The following AGBL4 variants were observed in gnomAD, a reference collection of about 807,000 sequenced individuals.
AGBL4 encodes the protein AGBL carboxypeptidase 4.
AGBL4 carries 58 observed loss-of-function variants against 66.4 expected under a neutral mutation model. The ratio of observed to expected loss-of-function variants is 0.87; its 90% CI spans 0.71 to 1.09. The LOEUF (loss-of-function observed/expected upper bound fraction) is 1.09. Among genes scored for constraint, AGBL4 ranks in the 50% least tolerant of loss-of-function variants. The pLI is 0.00. For synonymous variants in AGBL4, 234 were observed against 222.9 expected, an observed-to-expected ratio of 1.05 and a Z score of -0.44; for missense variants, 579 against 631.0, an observed-to-expected ratio of 0.92 and a Z score of 0.88.
intron 5 of AGBL4, among the ~76,000 whole-genome samples, chr1:49,017,159 T>A (rs114192059): frequency 0.011 from 1,742 of 152,278 alleles, 30 homozygotes; most frequent in African/African-American, 0.04. Context: ...ACAGATCCTC[T>A]CCCAGAAAAA....
chr1:49,236,800 A>G (rs1650785685), intron 4 of AGBL4, among the ~76,000 whole-genome samples: 3 of 152,058 alleles, frequency 2.0e-5, no homozygotes, highest in Admixed American at 6.6e-5. Context: ...CTACCCCTTT[A>G]TAGTCAGTGA....
chr1:48,747,686 C>T (rs925041933), intron 6 of AGBL4, among the ~76,000 whole-genome samples: 3 of 152,308 alleles, frequency 2.0e-5, no homozygotes, highest in African/African-American at 4.8e-5. Flanking sequence ...CACACAGTTA[C>T]GGTCTTTGTA....
rs1491300456 is a variant in AGBL4, at chr1:49,714,593, T to TATATATATATAC, written c.158-17157_158-17156insGTATATATATAT. Among the ~76,000 whole-genome samples the TATATATATATAC allele has an allele frequency of 1.1e-3, 121 of 113,978 alleles. 1 individual carries two copies. The highest frequency in any genetic ancestry group is 3.7e-3 in the African/African-American group (118 of 31,694). The allele number at this position is 113,978 out of a possible 152,430, so 74.8% of individuals were successfully genotyped here. ...ACATATATATATATATATATATATA[T>TATATATATATAC]ACACACACACACATATATATATATC... On this transcript the variant is annotated intron_variant, in intron 2 of 13. Transcript: ENST00000371839.
chr1:49,112,450 A>G (rs1438353565), intron 4 of AGBL4, among the ~76,000 whole-genome samples: 2 of 152,134 alleles, frequency 1.3e-5, no homozygotes, highest in African/African-American at 2.4e-5. Context: ...GCAATTCTTA[A>G]AATAAAACAA....
At chr1:49,300,289 A>G (rs1644721301) in intron 3 of AGBL4, among the ~76,000 whole-genome samples, 1 of 152,168 alleles carries the variant, frequency 6.6e-6, no homozygotes, top group African/African-American at 2.4e-5. Context: ...CAGTTCTGTC[A>G]TTACTCTGTG....
intron 4 of AGBL4, among the ~76,000 whole-genome samples, chr1:49,090,161 C>A (rs947372844): frequency 1.3e-5 from 2 of 152,128 alleles, no homozygotes; most frequent in Admixed American, 6.5e-5. Context: ...GAAGCATTCT[C>A]TTTGAGAACT....
chr1:48,742,798 C>T, intron 6 of AGBL4: 1 of 1,506,134 alleles, frequency 6.6e-7, no homozygotes, highest in Non-Finnish European at 8.9e-7. Context: ...AGAAATCTGT[C>T]TAGAACTCCA....
chr1:49,707,660 C>T (rs1647315160), intron 2 of AGBL4, among the ~76,000 whole-genome samples: 2 of 152,018 alleles, frequency 1.3e-5, no homozygotes, highest in Non-Finnish European at 2.9e-5. Flanking sequence ...ATGGTCTCTA[C>T]ATTTTGGTAT....
intron 5 of AGBL4, among the ~76,000 whole-genome samples, chr1:48,947,644 T>C (rs1436048735): frequency 6.6e-6 from 1 of 152,126 alleles, no homozygotes; most frequent in Non-Finnish European, 1.5e-5. Context: ...CAACCTAAAT[T>C]TCTCACTGCA....
At chr1:48,589,844 C>T (rs1406243718) in intron 10 of AGBL4, among the ~76,000 whole-genome samples, 11 of 152,216 alleles carry the variant, frequency 7.2e-5, no homozygotes, top group Non-Finnish European at 1.6e-4. Flanking sequence ...TAGCAGATGT[C>T]TTGTGCTCAT....
chr1:48,569,529 T>A (rs1048255303), intron 11 of AGBL4, among the ~76,000 whole-genome samples: 1 of 152,200 alleles, frequency 6.6e-6, no homozygotes, highest in African/African-American at 2.4e-5. Flanking sequence ...TAAGGCCTTA[T>A]TTCTTGACAC....
intron 11 of AGBL4, among the ~76,000 whole-genome samples, chr1:48,554,085 C>T (rs530410685): frequency 5.8e-4 from 88 of 152,236 alleles, no homozygotes; most frequent in Middle Eastern, 3.4e-3. Flanking sequence ...AATTGGGGTT[C>T]GGTCTTTTCC....
intron 3 of AGBL4, among the ~76,000 whole-genome samples, chr1:49,521,229 CA>C (rs528835215): frequency 6.6e-6 from 1 of 151,968 alleles, no homozygotes; most frequent in Non-Finnish European, 1.5e-5. Flanking sequence ...ATGAAACAAC[CA>C]ATGTTATTTT....
At chr1:49,982,636 G>C (rs774686219) in intron 1 of AGBL4, among the ~76,000 whole-genome samples, 9 of 152,178 alleles carry the variant, frequency 5.9e-5, no homozygotes, top group African/African-American at 9.6e-5. Context: ...CCAGTCCCGT[G>C]GACCAGAGTG....
In AGBL4 at chr1:49,797,012, C is replaced by T. The variant is rs796778661; in HGVS notation, c.157+54384G>A. ...TATAATAAAATATCTAAATATTTAC[C>T]TTAGCATTGTGTTATCCTTATAAGA... is the stretch of plus-strand genomic sequence containing the variant. On this transcript the variant is annotated intron_variant, in intron 2 of 13. Coordinates refer to ENST00000371839, the MANE Select transcript of AGBL4 (RefSeq NM_032785.4). 1.4e-4 allele frequency among the ~76,000 whole-genome samples: 21 copies of T among 152,140 alleles called. No individual in the cohort carries two copies. In the South Asian group the frequency reaches 2.1e-3, roughly 15 times the overall value.
intron 3 of AGBL4, among the ~76,000 whole-genome samples, chr1:49,480,856 C>G (rs1646941113): frequency 6.6e-6 from 1 of 152,094 alleles, no homozygotes; most frequent in African/African-American, 2.4e-5. Flanking sequence ...CTGCATATGG[C>G]TAGCCAGTTA....
intron 6 of AGBL4, among the ~76,000 whole-genome samples, chr1:48,803,543 C>G (rs1389826845): frequency 1.3e-5 from 2 of 152,152 alleles, no homozygotes; most frequent in Non-Finnish European, 2.9e-5. Context: ...AATATATACC[C>G]TGGACATCTT....
intron 4 of AGBL4, among the ~76,000 whole-genome samples, chr1:49,081,059 G>A (rs1447300068): frequency 6.6e-6 from 1 of 152,066 alleles, no homozygotes; most frequent in African/African-American, 2.4e-5. Context: ...TAATAGAAGT[G>A]CTGTTATAAT....
chr1:49,384,460 G>A (rs1274882853), intron 3 of AGBL4, among the ~76,000 whole-genome samples: 1 of 151,918 alleles, frequency 6.6e-6, no homozygotes, highest in Non-Finnish European at 1.5e-5. Flanking sequence ...GGGTGTGGTG[G>A]TGTGCACCTG....
Sources: allele counts gnomAD v4.1 joint callset (sites outside exome capture counted in the v4.1 genomes callset), GRCh38; gene constraint gnomAD v4.1.1; transcripts MANE v1.5; gene names NCBI Gene and HGNC (gene_info 2026-07-23, HGNC 2026-07-21).